BCKDHB: variants seen among roughly 807,000 people sequenced by gnomAD.
The protein encoded by BCKDHB is 2-oxoisovalerate dehydrogenase subunit beta, mitochondrial.
BCKDHB carries 41 observed loss-of-function variants against 48.5 expected under a neutral mutation model. That is an observed-to-expected ratio of 0.85 (90% CI 0.66 to 1.10). The LOEUF is 1.10. Ranked by LOEUF, BCKDHB falls within the 50% of genes least tolerant of loss-of-function variation. BCKDHB has a pLI of 0.00. For missense variants in BCKDHB, 496 were observed against 494.2 expected (o/e 1.00, Z -0.03); for synonymous variants, 201 against 174.8 (o/e 1.15, Z -1.18).
intron 9 of BCKDHB, among the ~76,000 whole-genome samples, chr6:80,287,214 A>G (rs192694905): frequency 9.3e-4 from 141 of 152,336 alleles, no homozygotes; most frequent in South Asian, 8.1e-3. Flanking sequence ...TGATGACCAT[A>G]TACTTTGTCT....
At chr6:80,270,775 G>T (rs906252334) in intron 8 of BCKDHB, among the ~76,000 whole-genome samples, 2 of 152,078 alleles carry the variant, frequency 1.3e-5, no homozygotes, top group African/African-American at 4.8e-5. Flanking sequence ...GAGTGGGATG[G>T]GAAGACTGGC....
intron 9 of BCKDHB, among the ~76,000 whole-genome samples, chr6:80,285,246 T>A (rs1304604267): frequency 1.3e-5 from 2 of 152,102 alleles, no homozygotes; most frequent in Non-Finnish European, 2.9e-5. Context: ...TAAATTTTAT[T>A]AAAACCAGCT....
the BCKDHB span, among the ~76,000 whole-genome samples, chr6:80,358,914 G>A: frequency 1.2e-4 from 18 of 152,306 alleles, no homozygotes; most frequent in African/African-American, 4.1e-4. Context: ...TAGGAGACCC[G>A]TGGATGTGTG....
chr6:80,339,379 A>G (rs1169019340), intron 9 of BCKDHB, among the ~76,000 whole-genome samples: 1 of 152,088 alleles, frequency 6.6e-6, no homozygotes. Context: ...GTCCTTCCTA[A>G]TTTTAACAAG....
chr6:80,185,467 G>T (rs1261352412), intron 6 of BCKDHB, among the ~76,000 whole-genome samples: 2 of 152,058 alleles, frequency 1.3e-5, no homozygotes, highest in East Asian at 3.9e-4. Flanking sequence ...TGGAGAGCGA[G>T]TGTGATCTTT....
the BCKDHB span, among the ~76,000 whole-genome samples, chr6:80,411,434 G>C: frequency 1.7e-3 from 255 of 152,336 alleles, no homozygotes; most frequent in Non-Finnish European, 2.4e-3. Context: ...CCCACTTGAG[G>C]AGGCATTCTG....
intron 8 of BCKDHB, among the ~76,000 whole-genome samples, chr6:80,235,118 A>T (rs1776095651): frequency 1.3e-5 from 2 of 152,170 alleles, no homozygotes; most frequent in Non-Finnish European, 1.5e-5. Context: ...ACTCTAGTTA[A>T]CAAGAATTTA....
At chr6:80,180,136 G>A (rs1773344312) in intron 6 of BCKDHB, among the ~76,000 whole-genome samples, 1 of 152,114 alleles carries the variant, frequency 6.6e-6, no homozygotes, top group African/African-American at 2.4e-5. Context: ...TCGTACAGAT[G>A]AAAATAAGTC....
chr6:80,409,660 T>C, the BCKDHB span, among the ~76,000 whole-genome samples: 17 of 136,118 alleles, frequency 1.2e-4, no homozygotes, highest in East Asian at 3.8e-3. Context: ...TTGAATTGCT[T>C]CCTTTACCAT....
At chr6:80,335,031 C>T (rs1427800540) in intron 9 of BCKDHB, among the ~76,000 whole-genome samples, 2 of 151,700 alleles carry the variant, frequency 1.3e-5, no homozygotes, top group Non-Finnish European at 2.9e-5. Flanking sequence ...AGTCTTCAAA[C>T]TTAAAAACAG....
At chr6:80,200,736 T>C (rs1774350940) in intron 6 of BCKDHB, among the ~76,000 whole-genome samples, 198 bp from the exon 7 acceptor site, 1 of 152,190 alleles carries the variant, frequency 6.6e-6, no homozygotes, top group African/African-American at 2.4e-5. Flanking sequence ...GTTTTATACA[T>C]TTATATTGCA....
chr6:80,433,551 G>A, the BCKDHB span, among the ~76,000 whole-genome samples: 3 of 152,222 alleles, frequency 2.0e-5, no homozygotes, highest in East Asian at 1.9e-4. Context: ...GACTGCTGCT[G>A]TGCTGGCAGT....
chr6:80,153,971 A>G lies in BCKDHB; in HGVS notation c.344-13707A>G, dbSNP rs141233403. The stretch of plus-strand genomic sequence containing the variant: ...ACTGTTTTTAATCCTCTTATACTTC[A>G]GCCTTCTTGGTTTGCTTCCCAACTC... On this transcript the variant is annotated intron_variant, in intron 3 of 9. Coordinates refer to ENST00000320393, the MANE Select transcript of BCKDHB (RefSeq NM_183050.4). 1.7e-3 allele frequency among the ~76,000 whole-genome samples: 264 copies of G among 152,254 alleles called. 1 individual carries two copies. Among genetic ancestry groups the G allele is most frequent in the African/African-American group, 6.0e-3 (250 of 41,550 alleles).
chr6:80,233,388 A>C (rs1776014528), intron 8 of BCKDHB, among the ~76,000 whole-genome samples: 1 of 152,192 alleles, frequency 6.6e-6, no homozygotes, highest in African/African-American at 2.4e-5. Flanking sequence ...TATACTATGA[A>C]ACCTTCTTGA....
At chr6:80,116,616 T>C (rs909783200) in intron 1 of BCKDHB, among the ~76,000 whole-genome samples, 34 of 152,212 alleles carry the variant, frequency 2.2e-4, no homozygotes, top group African/African-American at 7.5e-4. Context: ...TAGTACAATT[T>C]CAATTAAACA....
In BCKDHB at chr6:80,309,174, C is replaced by T. The variant is rs538494064; in HGVS notation, c.1039-34490C>T. Among the ~76,000 whole-genome samples the T allele has an allele frequency of 2.9e-3, 438 of 152,052 alleles. 3 individuals are homozygous for T. Among genetic ancestry groups the T allele is most frequent in the African/African-American group, 9.9e-3 (412 of 41,466 alleles). ...CGCCTCCCAGGTTCAAGTGATTCTC[C>T]TGCCTCAGCCTCCCGAATAGCTGGG... On this transcript the variant is annotated intron_variant, in intron 9 of 9. Transcript: ENST00000320393.
chr6:80,375,419 T>C, the BCKDHB span, among the ~76,000 whole-genome samples: 7 of 152,220 alleles, frequency 4.6e-5, no homozygotes, highest in Admixed American at 2.0e-4. Flanking sequence ...TTAAAATCTT[T>C]CTTCTACTTG....
At chr6:80,124,660 G>C (rs1339020028) in intron 1 of BCKDHB, among the ~76,000 whole-genome samples, 1 of 152,074 alleles carries the variant, frequency 6.6e-6, no homozygotes, top group Non-Finnish European at 1.5e-5. Context: ...TGTCTCTTTT[G>C]ATCTGTGGAA....
the BCKDHB span, among the ~76,000 whole-genome samples, chr6:80,402,099 A>G: frequency 6.6e-6 from 1 of 151,924 alleles, no homozygotes; most frequent in African/African-American, 2.4e-5. Context: ...TCTCTTCAAG[A>G]TAGTAATTTT....
Sources: allele counts gnomAD v4.1 joint callset (sites outside exome capture counted in the v4.1 genomes callset), GRCh38; gene constraint gnomAD v4.1.1; transcripts MANE v1.5; gene names NCBI Gene and HGNC (gene_info 2026-07-23, HGNC 2026-07-21).